Variants in CRHR1 observed in about 807,000 individuals in gnomAD.
CRHR1 encodes corticotropin-releasing hormone receptor 1.
Under a neutral mutation model 56.0 loss-of-function variants are expected in CRHR1, and 28 were observed. That is an observed-to-expected ratio of 0.50 (90% confidence interval 0.37 to 0.69). The LOEUF (loss-of-function observed/expected upper bound fraction) is 0.69. Among genes scored for constraint, CRHR1 ranks in the 30% least tolerant of loss-of-function variants. CRHR1 has a pLI of 0.00. For missense variants in CRHR1, 376 were observed against 548.0 expected, an observed-to-expected ratio of 0.69 and a Z score of 3.13; for synonymous variants, 195 against 216.5, an observed-to-expected ratio of 0.90 and a Z score of 0.87.
intron 1 of CRHR1, among the ~76,000 whole-genome samples, chr17:45,797,283 CTTTTTTTTT>C (rs899983592): frequency 2.1e-5 from 2 of 94,930 alleles, no homozygotes; most frequent in Admixed American, 1.2e-4. Context: ...TTCTTTCTTT[CTTTTTTTTT>C]TTTTTTTTTT....
intron 2 of CRHR1, among the ~76,000 whole-genome samples, chr17:45,812,384 T>C (rs1050831961): frequency 3.3e-5 from 5 of 152,246 alleles, no homozygotes; most frequent in Admixed American, 2.0e-4. Flanking sequence ...TCTGCCTTTG[T>C]GCAGCTGGTT....
chr17:45,803,779 T>TGTGTGCGCAC (rs1371508322), intron 1 of CRHR1, among the ~76,000 whole-genome samples: 5 of 151,962 alleles, frequency 3.3e-5, no homozygotes, highest in Non-Finnish European at 5.9e-5. Context: ...TGTGTGTGCG[T>TGTGTGCGCAC]GCGCGTGCGC....
chr17:45,794,115 GGATTTTTCCA>G (rs1234961528), intron 1 of CRHR1, among the ~76,000 whole-genome samples: 1 of 152,208 alleles, frequency 6.6e-6, no homozygotes, highest in Non-Finnish European at 1.5e-5. Flanking sequence ...AGGACCACAT[GGATTTTTCCA>G]ATCCATGGCC....
At chr17:45,832,056 A>G (rs1355746907) in intron 8 of CRHR1, among the ~76,000 whole-genome samples, 2 of 151,126 alleles carry the variant, frequency 1.3e-5, no homozygotes, top group Non-Finnish European at 3.0e-5. Context: ...CCCCGTATCT[A>G]CTAAAAAAAA....
intron 2 of CRHR1, among the ~76,000 whole-genome samples, chr17:45,810,342 C>T (rs1025885309): frequency 2.0e-5 from 3 of 152,112 alleles, no homozygotes; most frequent in East Asian, 1.9e-4. Context: ...GTGTGTTGGA[C>T]GCCATTCCAA....
chr17:45,830,352 C>T, intron 6 of CRHR1, 65 bp from the exon 7 acceptor site: 2 of 1,579,986 alleles, frequency 1.3e-6, no homozygotes, highest in Non-Finnish European at 1.7e-6. Context: ...TGGGGAGGCC[C>T]AGGCCCAGGG....
intron 1 of CRHR1, among the ~76,000 whole-genome samples, chr17:45,801,644 T>C (rs564655801): frequency 2.0e-5 from 3 of 152,222 alleles, no homozygotes; most frequent in Non-Finnish European, 4.4e-5. Context: ...CTCTGCCAGC[T>C]TCAGCTTCAG....
intron 4 of CRHR1, among the ~76,000 whole-genome samples, chr17:45,822,839 G>A (rs1324276128): frequency 2.0e-5 from 3 of 148,682 alleles, no homozygotes; most frequent in African/African-American, 7.4e-5. Flanking sequence ...CAAAAAGAGC[G>A]AAATTCCATT....
chr17:45,805,590 C>G (rs980596310), intron 1 of CRHR1, among the ~76,000 whole-genome samples: 7 of 152,192 alleles, frequency 4.6e-5, no homozygotes, highest in African/African-American at 1.4e-4. Flanking sequence ...GGGTTGGGGG[C>G]CTCAGAAGGA....
intron 4 of CRHR1, 44 bp downstream of exon 4, chr17:45,821,484 AG>A: frequency 6.4e-7 from 1 of 1,560,454 alleles, no homozygotes; most frequent in Non-Finnish European, 8.8e-7. Context: ...AGGGGAGTCC[AG>A]GGTCCCCAGC....
At chr17:45,788,884 C>T (rs895064452) in intron 1 of CRHR1, among the ~76,000 whole-genome samples, 1 of 152,234 alleles carries the variant, frequency 6.6e-6, no homozygotes, top group African/African-American at 2.4e-5. Context: ...GAACCCGTTT[C>T]TGTTCCCACC....
chr17:45,797,629 A>G (rs2061546108), intron 1 of CRHR1, among the ~76,000 whole-genome samples: 1 of 152,178 alleles, frequency 6.6e-6, no homozygotes, highest in South Asian at 2.1e-4. Context: ...GAGCTTTGGG[A>G]TGTGAATATT....
intron 3 of CRHR1, among the ~76,000 whole-genome samples, chr17:45,818,886 G>A (rs2061981411): frequency 6.6e-6 from 1 of 152,136 alleles, no homozygotes; most frequent in South Asian, 2.1e-4. Flanking sequence ...TCTTTGGGAG[G>A]ACTGCTCAGC....
chr17:45,814,323 C>T (rs527735677), intron 2 of CRHR1, among the ~76,000 whole-genome samples: 1 of 152,336 alleles, frequency 6.6e-6, no homozygotes, highest in East Asian at 1.9e-4. Flanking sequence ...TCAACAAACG[C>T]TGCTCCCTTC....
chr17:45,799,080 A>G lies in CRHR1; in HGVS notation c.34-7930A>G, dbSNP rs572777184. ...CCTGGGCAGTCAAGAGGGCTGAGAAAGGACCCCTGGCATCTCTGTCCTCTG... is the reference window on the plus strand; with the variant it reads ...CCTGGGCAGTCAAGAGGGCTGAGAAGGGACCCCTGGCATCTCTGTCCTCTG... On this transcript the variant is annotated intron_variant, in intron 1 of 12. Transcript: ENST00000314537. Among the ~76,000 whole-genome samples the G allele has an allele frequency of 3.9e-5, 6 of 152,332 alleles. No individual in the cohort carries two copies. In the East Asian group the frequency reaches 1.2e-3, roughly 29 times the overall value.
chr17:45,808,707 G>A, intron 2 of CRHR1, among the ~76,000 whole-genome samples: 1 of 152,182 alleles, frequency 6.6e-6, no homozygotes. Flanking sequence ...GAAGTGCAGT[G>A]GCACAATCAT....
In CRHR1 at chr17:45,816,435, G is replaced by A. The variant is rs376578727; in HGVS notation, c.122-28G>A. 129 of 1,612,914 alleles carry A rather than the reference G, an allele frequency of 8.0e-5. 3 individuals carry two copies. The South Asian group carries it at 1.3e-3, about 16-fold the overall frequency. ...TGGGGCCTTGGCCGGATATCTTGCT[G>A]TGCCTTACCAGCCGTCTCTGCCCCC... On this transcript the variant is annotated intron_variant, in intron 2 of 12. Transcript: ENST00000314537.
At chr17:45,819,094 A>G (rs2061985650) in intron 3 of CRHR1, among the ~76,000 whole-genome samples, 2 of 152,134 alleles carry the variant, frequency 1.3e-5, no homozygotes. Context: ...TCCTCCCACA[A>G]TATCCACCGG....
intron 3 of CRHR1, among the ~76,000 whole-genome samples, chr17:45,816,891 G>C (rs1206945712): frequency 6.6e-6 from 1 of 152,210 alleles, no homozygotes; most frequent in Non-Finnish European, 1.5e-5. Context: ...ATCCACGTCT[G>C]TCTGGCACTT....
Sources: allele counts gnomAD v4.1 joint callset (sites outside exome capture counted in the v4.1 genomes callset), GRCh38; gene constraint gnomAD v4.1.1; transcripts MANE v1.5; gene names NCBI Gene and HGNC (gene_info 2026-07-23, HGNC 2026-07-21).